The following APOO variants were observed in gnomAD, a reference collection of about 807,000 sequenced individuals.
APOO encodes the protein MICOS complex subunit MIC26.
A neutral mutation model predicts 23.1 loss-of-function variants in APOO; 11 were observed. That is an observed-to-expected ratio of 0.48 (90% CI 0.30 to 0.79). The LOEUF is 0.79. Ranked by LOEUF, APOO falls within the 30% of genes least tolerant of loss-of-function variation. APOO has a pLI of 0.07. For missense variants in APOO, 160 were observed against 142.7 expected (o/e 1.12, Z -0.62); for synonymous variants, 59 against 54.8 (o/e 1.08, Z -0.34).
chrX:23,899,802 T>C (rs1243045709), intron 1 of APOO, among the ~76,000 whole-genome samples: 1 of 112,799 alleles, frequency 8.9e-6, no homozygotes, highest in African/African-American at 3.2e-5. Context: ...GTTCGTTTCC[T>C]AGCCTCTAAG....
intron 5 of APOO, among the ~76,000 whole-genome samples, chrX:23,859,150 T>A (rs1314695020): frequency 9.0e-6 from 1 of 111,323 alleles, no homozygotes; most frequent in Non-Finnish European, 1.9e-5. Flanking sequence ...CACCACTGAA[T>A]AAGATTTCTT....
intron 1 of APOO, among the ~76,000 whole-genome samples, chrX:23,883,175 G>T (rs1414421465): frequency 9.0e-6 from 1 of 111,506 alleles, no homozygotes; most frequent in Non-Finnish European, 1.9e-5. Context: ...CTCCACCCCT[G>T]GGCCTGTGCC....
intron 5 of APOO, among the ~76,000 whole-genome samples, chrX:23,866,262 C>T (rs769414839): frequency 1.1e-4 from 12 of 111,891 alleles, no homozygotes; most frequent in Admixed American, 4.8e-4. Flanking sequence ...TAAATAAGAC[C>T]GAATGCTCTT....
Position 23,871,006 on chromosome X carries a change from T to A in APOO, c.293-2318A>T, listed in dbSNP as rs780896898. Among the ~76,000 whole-genome samples the A allele has an allele frequency of 3.9e-5, 4 of 103,751 alleles. No homozygotes were observed. In the East Asian group the frequency reaches 1.2e-3, roughly 32 times the overall value. The allele number at this position is 103,751 out of a possible 115,157, so 90.1% of individuals were successfully genotyped here. On this transcript the variant is annotated intron_variant, in intron 4 of 8. Coordinates refer to ENST00000379226, the MANE Select transcript of APOO (RefSeq NM_024122.5). The stretch of plus-strand genomic sequence containing the variant: ...CAGGAGGCTGAGGCAGGAGAATCGC[T>A]TGAACCTGGGAGGCAGAGGTTGCAG...
intron 7 of APOO, among the ~76,000 whole-genome samples, chrX:23,853,923 C>T (rs1271602445): frequency 1.2e-4 from 13 of 111,446 alleles, no homozygotes; most frequent in Admixed American, 1.1e-3. Flanking sequence ...GCATGAGCCA[C>T]TGTGCCTGGC....
rs759122669 is a variant in APOO, at chrX:23,842,597, C to T, written c.562-2220G>A. 8.9e-5 allele frequency among the ~76,000 whole-genome samples: 10 copies of T among 111,918 alleles called. No individual in the cohort carries two copies. The East Asian group carries it at 2.8e-3, about 31-fold the overall frequency. On this transcript the variant is annotated intron_variant, in intron 7 of 8. Transcript: ENST00000379226. ...TGCCAGCCAAACCTTTGAGGTATAG[C>T]AGCCTACTGAAATGTCTGGGTCCCT...
intron 8 of APOO, chrX:23,837,361 G>A (rs776391353): frequency 4.7e-5 from 39 of 821,767 alleles, no homozygotes; most frequent in Non-Finnish European, 6.6e-5. Flanking sequence ...ATTTCTTTAT[G>A]TATGATAATA....
intron 8 of APOO, 105 bp downstream of exon 8, chrX:23,840,208 C>A: frequency 2.3e-6 from 1 of 437,551 alleles, no homozygotes; most frequent in Non-Finnish European, 3.6e-6. Context: ...ATTTTCACAT[C>A]AAATTGAAAC....
intron 4 of APOO, among the ~76,000 whole-genome samples, chrX:23,871,069 A>C (rs1925594048): frequency 9.1e-6 from 1 of 109,490 alleles, no homozygotes; most frequent in South Asian, 3.9e-4. Context: ...AGCCTGGGCA[A>C]CAGAGCGAGA....
intron 5 of APOO, among the ~76,000 whole-genome samples, chrX:23,866,606 T>G (rs557955477): frequency 9.0e-6 from 1 of 110,787 alleles, no homozygotes; most frequent in African/African-American, 3.3e-5. Flanking sequence ...CTGAGCAACA[T>G]AGCGAAACTC....
At chrX:23,884,256 C>T (rs750808410) in intron 1 of APOO, among the ~76,000 whole-genome samples, 1 of 110,338 alleles carries the variant, frequency 9.1e-6, no homozygotes, top group East Asian at 2.8e-4. Flanking sequence ...CATTAAAGGG[C>T]CAGCTGACCA....
At chrX:23,885,064 C>T (rs1350290992) in intron 1 of APOO, among the ~76,000 whole-genome samples, 1 of 110,765 alleles carries the variant, frequency 9.0e-6, no homozygotes, top group African/African-American at 3.3e-5. Flanking sequence ...TTTTTTGGGT[C>T]TGGACTTCCT....
chrX:23,894,167 C>T (rs987981057), intron 1 of APOO, among the ~76,000 whole-genome samples: 3 of 109,517 alleles, frequency 2.7e-5, no homozygotes, highest in African/African-American at 1.0e-4. Context: ...TTTTTTGAGA[C>T]AGAGTCTCGC....
At chrX:23,897,865 C>T (rs1176257026) in intron 1 of APOO, among the ~76,000 whole-genome samples, 1 of 107,987 alleles carries the variant, frequency 9.3e-6, no homozygotes, top group Non-Finnish European at 1.9e-5. Flanking sequence ...AATGGTGGCA[C>T]GTGCCCATAG....
chrX:23,877,372 T>C (rs913817986), intron 3 of APOO, among the ~76,000 whole-genome samples: 2 of 112,613 alleles, frequency 1.8e-5, no homozygotes, highest in Admixed American at 9.5e-5. Flanking sequence ...CTAATTCTTA[T>C]TGTTGATAGA....
rs182125234 is a variant in APOO, at chrX:23,878,938, C to T, written c.214G>A (p.Glu72Lys). The T allele has an allele frequency of 1.6e-5, 19 of 1,209,150 alleles. No homozygotes were observed. The highest frequency in any genetic ancestry group is 4.6e-4 in the Middle Eastern group (2 of 4,349). Reference sequence around the variant, plus strand: ...ACCTGACACCAGGTTGTGTATGGCTCGCAATAGTGTCGGAGCTGTGAGATG... The same window carrying T: ...ACCTGACACCAGGTTGTGTATGGCTTGCAATAGTGTCGGAGCTGTGAGATG... ...ESISQLRHYC[E>K]PYTTWCQETY... The change falls in exon 3 of 9, where the codon GAG becomes AAG. Residue 72 changes from glutamate to lysine, a missense_variant. By Grantham distance (56) the Glu-to-Lys change is moderately conservative (BLOSUM62 1). Coordinates refer to ENST00000379226, the MANE Select transcript of APOO (RefSeq NM_024122.5).
intron 5 of APOO, among the ~76,000 whole-genome samples, chrX:23,863,635 G>A (rs891554849): frequency 7.2e-5 from 8 of 111,066 alleles, no homozygotes; most frequent in East Asian, 2.8e-4. Flanking sequence ...TCCAACATAC[G>A]CTTTTTTGAA....
At chrX:23,857,881 C>T (rs1924846869) in intron 6 of APOO, among the ~76,000 whole-genome samples, 1 of 111,272 alleles carries the variant, frequency 9.0e-6, no homozygotes, top group Admixed American at 9.7e-5. Flanking sequence ...GGTTCTCAAA[C>T]ACCATAGGCA....
chrX:23,864,434 C>G (rs1473335911), intron 5 of APOO, among the ~76,000 whole-genome samples: 1 of 111,184 alleles, frequency 9.0e-6, no homozygotes, highest in East Asian at 2.8e-4. Context: ...TCCCAAGTAG[C>G]TGGGATTACA....
Sources: allele counts gnomAD v4.1 joint callset (sites outside exome capture counted in the v4.1 genomes callset), GRCh38; gene constraint gnomAD v4.1.1; transcripts MANE v1.5; gene names NCBI Gene and HGNC (gene_info 2026-07-23, HGNC 2026-07-21).